The following RYR2 variants were observed in gnomAD, a reference collection of about 807,000 sequenced individuals.
The protein encoded by RYR2 is ryanodine receptor 2, also known as cardiac muscle ryanodine receptor-calcium release channel.
A neutral mutation model predicts 601.1 loss-of-function variants in RYR2; 227 were observed. The observed-to-expected ratio is 0.38, with a 90% CI of 0.34 to 0.42. RYR2 has a LOEUF of 0.42. Among genes scored for constraint, RYR2 ranks in the 10% least tolerant of loss-of-function variants. The pLI is 1.00. For missense variants in RYR2, 4,646 were observed against 6,156.5 expected (o/e 0.75, Z 8.21); for synonymous variants, 2,223 against 2,175.1 (o/e 1.02, Z -0.61).
At chr1:237,738,071 G>T (rs943198442) in intron 79 of RYR2, among the ~76,000 whole-genome samples, 1 of 152,014 alleles carries the variant, frequency 6.6e-6, no homozygotes, top group Non-Finnish European at 1.5e-5. Context: ...ATGGTTTCTC[G>T]GTTTACCAAC....
At chr1:237,612,414 A>G (rs1041531626) in intron 36 of RYR2, among the ~76,000 whole-genome samples, 7 of 152,198 alleles carry the variant, frequency 4.6e-5, no homozygotes, top group Non-Finnish European at 8.8e-5. Flanking sequence ...AAGTAGGTAA[A>G]TTGTATAGCA....
At chr1:237,366,674 T>TCACACACACACA (rs56679247) in intron 5 of RYR2, among the ~76,000 whole-genome samples, 85 of 144,912 alleles carry the variant, frequency 5.9e-4, no homozygotes, top group African/African-American at 2.0e-3. Context: ...ACCTCTTTAG[T>TCACACACACACA]CACACACACA....
intron 3 of RYR2, among the ~76,000 whole-genome samples, chr1:237,348,105 T>C (rs763781090): frequency 6.6e-6 from 1 of 152,162 alleles, no homozygotes; most frequent in Non-Finnish European, 1.5e-5. Context: ...AAATAAGGCT[T>C]ACACTCTGAA....
intron 38 of RYR2, among the ~76,000 whole-genome samples, chr1:237,621,107 G>A (rs2148632986): frequency 6.6e-6 from 1 of 152,106 alleles, no homozygotes; most frequent in Non-Finnish European, 1.5e-5. Flanking sequence ...GTAACAGAAA[G>A]GTAACTGGAA....
At chr1:237,528,237 T>A (rs1667783943) in intron 24 of RYR2, among the ~76,000 whole-genome samples, 1 of 152,160 alleles carries the variant, frequency 6.6e-6, no homozygotes, top group South Asian at 2.1e-4. Flanking sequence ...AAAACAACAA[T>A]TCTTCTGTCT....
chr1:237,364,006 T>C (rs573312937), intron 4 of RYR2, among the ~76,000 whole-genome samples: 1 of 152,284 alleles, frequency 6.6e-6, no homozygotes, highest in African/African-American at 2.4e-5. Context: ...AAGATGCAAG[T>C]TGGTTTTTTA....
rs566559116 is a variant in RYR2, at chr1:237,107,337, C to T, written c.48+64768C>T. ...GAGATCGAGACCATCCTGGCTAACA[C>T]GGTGAAACCCCGTCTCTACTAAAAA... On this transcript the variant is annotated intron_variant, in intron 1 of 104. Transcript: ENST00000366574. 7.1e-3 allele frequency among the ~76,000 whole-genome samples: 1,066 copies of T among 150,892 alleles called. 7 individuals are homozygous for T. Among genetic ancestry groups the T allele is most frequent in the Middle Eastern group, 0.02 (6 of 294 alleles).
intron 17 of RYR2, among the ~76,000 whole-genome samples, chr1:237,475,667 G>GTT (rs1661322429): frequency 2.0e-5 from 3 of 152,018 alleles, no homozygotes; most frequent in Admixed American, 6.6e-5. Context: ...TGTGGGATAC[G>GTT]GTGTGATGTT....
chr1:237,418,018 C>T (rs1461154312), intron 11 of RYR2, among the ~76,000 whole-genome samples: 1 of 151,796 alleles, frequency 6.6e-6, no homozygotes, highest in Admixed American at 6.6e-5. Flanking sequence ...CTATCTTACT[C>T]TAGTATAACT....
At chr1:237,054,293 TC>T (rs1161873817) in intron 1 of RYR2, among the ~76,000 whole-genome samples, 3 of 119,454 alleles carry the variant, frequency 2.5e-5, no homozygotes, top group African/African-American at 9.0e-5. Context: ...CTCCCTCCCT[TC>T]CTCCTTCCTC....
intron 2 of RYR2, among the ~76,000 whole-genome samples, chr1:237,315,115 A>C (rs950778226): frequency 6.6e-6 from 1 of 152,170 alleles, no homozygotes; most frequent in Non-Finnish European, 1.5e-5. Context: ...AGTAACCTAC[A>C]TGTGAATGAA....
At chr1:237,285,399 T>C (rs889654789) in intron 2 of RYR2, among the ~76,000 whole-genome samples, 1 of 152,196 alleles carries the variant, frequency 6.6e-6, no homozygotes, top group Non-Finnish European at 1.5e-5. Context: ...TGGTAGATTA[T>C]CTTTTTGATA....
At chr1:237,645,634 A>G (rs921989681) in intron 48 of RYR2, among the ~76,000 whole-genome samples, 3 of 152,158 alleles carry the variant, frequency 2.0e-5, no homozygotes, top group Non-Finnish European at 4.4e-5. Context: ...GTTTCCAGGT[A>G]CCTCCTCGTT....
At chr1:237,735,642 G>A (rs1691077602) in intron 79 of RYR2, among the ~76,000 whole-genome samples, 1 of 152,130 alleles carries the variant, frequency 6.6e-6, no homozygotes, top group Non-Finnish European at 1.5e-5. Flanking sequence ...TTGGTCCCAG[G>A]ACCCCCAGTG....
intron 1 of RYR2, among the ~76,000 whole-genome samples, chr1:237,208,970 A>ATG (rs1465329377): frequency 0.063 from 5,718 of 91,482 alleles, 269 homozygotes; most frequent in African/African-American, 0.071. Context: ...ATATATATAT[A>ATG]TATATATATA....
intron 56 of RYR2, 87 bp downstream of exon 56, chr1:237,661,034 A>T (rs1397187994): frequency 2.5e-6 from 3 of 1,185,972 alleles, no homozygotes; most frequent in Non-Finnish European, 3.2e-6. Context: ...TTTCTAAAGA[A>T]TAATCTGAAA....
At chr1:237,289,776 A>G (rs1231383425) in intron 2 of RYR2, among the ~76,000 whole-genome samples, 1 of 152,224 alleles carries the variant, frequency 6.6e-6, no homozygotes, top group Non-Finnish European at 1.5e-5. Flanking sequence ...AAATTCAGAT[A>G]CTTTACAGAA....
intron 1 of RYR2, among the ~76,000 whole-genome samples, chr1:237,101,550 C>T (rs1026144707): frequency 6.6e-6 from 1 of 152,190 alleles, no homozygotes; most frequent in Non-Finnish European, 1.5e-5. Flanking sequence ...CTCGATCTTA[C>T]AAGAGCAAGA....
chr1:237,314,066 T>TC (rs1233126700), intron 2 of RYR2, among the ~76,000 whole-genome samples: 9 of 142,700 alleles, frequency 6.3e-5, no homozygotes, highest in Non-Finnish European at 7.7e-5. Flanking sequence ...TGAATTTCTT[T>TC]TTTTTTTTTT....
Sources: allele counts gnomAD v4.1 joint callset (sites outside exome capture counted in the v4.1 genomes callset), GRCh38; gene constraint gnomAD v4.1.1; transcripts MANE v1.5; gene names NCBI Gene and HGNC (gene_info 2026-07-23, HGNC 2026-07-21).